PTDSS1: variants seen among roughly 807,000 people sequenced by gnomAD.
The protein encoded by PTDSS1 is PSS-1.
A neutral mutation model predicts 70.5 loss-of-function variants in PTDSS1; 45 were observed. The observed-to-expected ratio is 0.64, with a 90% CI of 0.50 to 0.82. The LOEUF (loss-of-function observed/expected upper bound fraction) is 0.82. Ranked by LOEUF, PTDSS1 falls within the 40% of genes least tolerant of loss-of-function variation. The pLI is 0.00. For missense variants in PTDSS1, 417 were observed against 586.1 expected (o/e 0.71, Z 2.98); for synonymous variants, 188 against 203.8 (o/e 0.92, Z 0.66).
rs368861270 is a variant in PTDSS1, at chr8:96,301,671, C to T, written c.752+1826C>T. Among the ~76,000 whole-genome samples, 8 of 151,642 alleles carry T rather than the reference C, an allele frequency of 5.3e-5. No homozygotes were observed. The East Asian group carries it at 7.8e-4, about 15-fold the overall frequency. ...AGTAGCTGGGATTAGCCACCACGCC[C>T]GGCTAACTTTTTTTTTTGTATTTTA... is the stretch of plus-strand genomic sequence containing the variant. On this transcript the variant is annotated intron_variant, in intron 6 of 12. Coordinates refer to ENST00000517309, the MANE Select transcript of PTDSS1 (RefSeq NM_014754.3).
At chr8:96,302,203 T>C (rs1811059944) in intron 6 of PTDSS1, among the ~76,000 whole-genome samples, 1 of 152,002 alleles carries the variant, frequency 6.6e-6, no homozygotes, top group Admixed American at 6.5e-5. Flanking sequence ...AGCTAATTTT[T>C]GTATTGTTAG....
intron 2 of PTDSS1, among the ~76,000 whole-genome samples, chr8:96,276,974 G>GCA (rs755347947): frequency 5.7e-4 from 65 of 114,144 alleles, no homozygotes; most frequent in African/African-American, 2.4e-3. Context: ...ACGCGCGCAC[G>GCA]CGCGCGCACA....
chr8:96,279,137 A>T (rs1810695665), intron 2 of PTDSS1, among the ~76,000 whole-genome samples: 2 of 141,208 alleles, frequency 1.4e-5, no homozygotes, highest in African/African-American at 2.6e-5. Flanking sequence ...CGCCCAGCTA[A>T]TTTTTTTTTT....
chr8:96,328,112 C>G (rs967178378), intron 10 of PTDSS1, among the ~76,000 whole-genome samples: 2 of 150,786 alleles, frequency 1.3e-5, no homozygotes, highest in Non-Finnish European at 3.0e-5. Context: ...CGGCAGCTGC[C>G]ACTGCCTGTC....
At chr8:96,286,815 T>C (rs1244273315) in intron 3 of PTDSS1, among the ~76,000 whole-genome samples, 1 of 152,180 alleles carries the variant, frequency 6.6e-6, no homozygotes, top group Non-Finnish European at 1.5e-5. Flanking sequence ...TTCTCAGAGA[T>C]GGTTTTCTTG....
chr8:96,271,304 A>G (rs540909217), intron 1 of PTDSS1, among the ~76,000 whole-genome samples: 1 of 152,294 alleles, frequency 6.6e-6, no homozygotes, highest in East Asian at 1.9e-4. Flanking sequence ...TATACCTACT[A>G]TTCTGCAATT....
chr8:96,330,273 C>T lies in PTDSS1; in HGVS notation c.1234C>T (p.Arg412Ter), dbSNP rs1295602847. The T allele has an allele frequency of 1.2e-6, 2 of 1,610,306 alleles. No individual in the cohort carries two copies. Among genetic ancestry groups the T allele is most frequent in the South Asian group, 1.1e-5 (1 of 91,004 alleles). Residue 412 changes from arginine to a stop codon, truncating the protein, a stop_gained, in exon 11 of 13, where the codon CGA becomes TGA. Coordinates refer to ENST00000517309, the MANE Select transcript of PTDSS1 (RefSeq NM_014754.3). LOFTEE classifies it high-confidence loss of function. ...TTGGTATGCAGAACACTATGGTCAC[C>T]GAGAAAAGGTATGGAAGGAGAGGCA... ...MIWYAEHYGH[R>*]EKTYSECEDG...
At chr8:96,271,514 G>T (rs146007623) in intron 1 of PTDSS1, among the ~76,000 whole-genome samples, 1 of 152,018 alleles carries the variant, frequency 6.6e-6, no homozygotes, top group Non-Finnish European at 1.5e-5. Context: ...AACAATCTGG[G>T]ATATATGTCA....
intron 10 of PTDSS1, among the ~76,000 whole-genome samples, chr8:96,322,807 CCT>C (rs1811390922): frequency 6.6e-6 from 1 of 152,170 alleles, no homozygotes; most frequent in African/African-American, 2.4e-5. Context: ...CACAATTCGT[CCT>C]GAGGTGAATT....
chr8:96,317,305 G>T (rs767450090), intron 9 of PTDSS1, among the ~76,000 whole-genome samples: 3 of 151,780 alleles, frequency 2.0e-5, no homozygotes, highest in African/African-American at 4.8e-5. Context: ...TCCCATAGCC[G>T]GCCCCCTCAC....
At chr8:96,286,976 A>G (rs201812042) in intron 3 of PTDSS1, 46 bp from the exon 4 acceptor site, 52 of 1,609,378 alleles carry the variant, frequency 3.2e-5, no homozygotes, top group Non-Finnish European at 4.3e-5. Flanking sequence ...TGTGTGTCTG[A>G]CTATTGGATC....
In PTDSS1 at chr8:96,336,689, A is replaced by T. The variant is rs1381817252; in HGVS notation, c.*3123A>T. 6.6e-6 allele frequency: 1 copy of T among 151,914 alleles called. No individual in the cohort carries two copies. The highest frequency in any genetic ancestry group is 1.5e-5 in the Non-Finnish European group (1 of 68,044). 9.4% of individuals were successfully genotyped at this position (151,914 alleles called of 1,614,324 possible). On this transcript the variant is annotated 3_prime_UTR_variant, in exon 13 of 13. Transcript: ENST00000517309. ...CTCCCTACCATTTCCCATTTATAGG[A>T]TTGAAATCAAGATGTAAGGAGAGCT...
chr8:96,277,923 T>C (rs1283708473), intron 2 of PTDSS1, among the ~76,000 whole-genome samples: 2 of 152,222 alleles, frequency 1.3e-5, no homozygotes, highest in Non-Finnish European at 2.9e-5. Context: ...CTAAGGAAAT[T>C]CGTTATTTTC....
chr8:96,283,424 A>C (rs1281984167), intron 2 of PTDSS1, among the ~76,000 whole-genome samples: 1 of 152,182 alleles, frequency 6.6e-6, no homozygotes, highest in African/African-American at 2.4e-5. Flanking sequence ...ATGAAAAAAG[A>C]GAAAGTATTG....
chr8:96,328,220 C>A (rs186122748), intron 10 of PTDSS1, among the ~76,000 whole-genome samples: 10 of 152,240 alleles, frequency 6.6e-5, no homozygotes, highest in African/African-American at 2.4e-4. Flanking sequence ...CCCGCCTCCC[C>A]ACAGCCCTCT....
chr8:96,266,111 T>A (rs1477630204), intron 1 of PTDSS1, among the ~76,000 whole-genome samples: 1 of 152,222 alleles, frequency 6.6e-6, no homozygotes, highest in Non-Finnish European at 1.5e-5. Flanking sequence ...TGCCTTTAGT[T>A]TAAAAAACTC....
At chr8:96,311,417 T>C (rs529192600) in intron 9 of PTDSS1, among the ~76,000 whole-genome samples, 1 of 152,292 alleles carries the variant, frequency 6.6e-6, no homozygotes, top group Admixed American at 6.5e-5. Context: ...AAGTAATACA[T>C]GCACAATGAT....
chr8:96,325,346 A>AT (rs763804376), intron 10 of PTDSS1, among the ~76,000 whole-genome samples: 7 of 152,200 alleles, frequency 4.6e-5, no homozygotes, highest in Non-Finnish European at 7.3e-5. Context: ...TTAATATGTG[A>AT]TAAATACTGT....
chr8:96,320,195 A>G (rs751383695), intron 9 of PTDSS1, 51 bp from the exon 10 acceptor site: 1 of 1,451,604 alleles, frequency 6.9e-7, no homozygotes, highest in Non-Finnish European at 9.6e-7. Context: ...GATAAAGTGT[A>G]TGCTCTGGTA....
Sources: gnomAD v4.1 joint callset for allele counts (sites outside exome capture counted in the v4.1 genomes callset) on GRCh38, gnomAD v4.1.1 for gene constraint, MANE v1.5 for transcripts, NCBI Gene and HGNC (gene_info 2026-07-23, HGNC 2026-07-21) for gene names.